ROBO2: variants seen among roughly 807,000 people sequenced by gnomAD.
ROBO2 encodes roundabout guidance receptor 2.
ROBO2 carries 53 observed loss-of-function variants against 160.8 expected under a neutral mutation model. The ratio of observed to expected loss-of-function variants is 0.33; its 90% CI spans 0.26 to 0.41. The LOEUF (loss-of-function observed/expected upper bound fraction) is 0.41, where lower values mean the gene tolerates loss of function less well. ROBO2 is among the 10% of genes least tolerant of loss of function. The pLI is 1.00. For synonymous variants in ROBO2, 664 were observed against 611.7 expected (o/e 1.09, Z -1.26); for missense variants, 1,577 against 1,722.4 (o/e 0.92, Z 1.49).
intron 2 of ROBO2, among the ~76,000 whole-genome samples, chr3:76,568,724 G>A (rs751409287): frequency 1.1e-4 from 17 of 152,032 alleles, no homozygotes; most frequent in Admixed American, 2.0e-4. Flanking sequence ...AAGAATCTGT[G>A]AGATATATTG....
At chr3:77,354,243 T>C (rs1006225494) in intron 2 of ROBO2, among the ~76,000 whole-genome samples, 3 of 151,662 alleles carry the variant, frequency 2.0e-5, no homozygotes, top group Non-Finnish European at 4.4e-5. Flanking sequence ...ACAATTACAA[T>C]TTTTTTTTCT....
At chr3:77,335,547 C>T (rs1235653649) in intron 2 of ROBO2, among the ~76,000 whole-genome samples, 1 of 152,176 alleles carries the variant, frequency 6.6e-6, no homozygotes, top group Non-Finnish European at 1.5e-5. Context: ...ATATTTTCCA[C>T]TTCTATTCAC....
intron 2 of ROBO2, among the ~76,000 whole-genome samples, chr3:76,904,827 T>C (rs193116494): frequency 6.6e-6 from 1 of 152,210 alleles, no homozygotes; most frequent in East Asian, 1.9e-4. Flanking sequence ...TTTGCCTCTA[T>C]GATACCACCA....
At chr3:76,912,697 T>C (rs1254781006) in intron 2 of ROBO2, among the ~76,000 whole-genome samples, 2 of 152,168 alleles carry the variant, frequency 1.3e-5, no homozygotes, top group Admixed American at 1.3e-4. Context: ...ATTTCATAAT[T>C]GTTTCATAAG....
intron 2 of ROBO2, among the ~76,000 whole-genome samples, chr3:76,236,679 A>G (rs987746989): frequency 7.2e-5 from 11 of 152,158 alleles, no homozygotes; most frequent in African/African-American, 2.7e-4. Flanking sequence ...GGACATTGGA[A>G]TAATTTATTT....
intron 2 of ROBO2, among the ~76,000 whole-genome samples, chr3:75,957,225 AACACACACGCACACACACACAAAAC>A (rs1337468895): frequency 2.5e-5 from 3 of 122,194 alleles, no homozygotes; most frequent in Non-Finnish European, 5.2e-5. Flanking sequence ...ACACACACAA[AACACACACGCACACACACACAAAAC>A]ACACACACAC....
chr3:77,291,673 G>T lies in ROBO2; in HGVS notation c.389-185741G>T, dbSNP rs529444185. Among the ~76,000 whole-genome samples the T allele has an allele frequency of 1.6e-4, 24 of 150,746 alleles. No individual in the cohort carries two copies. In the East Asian group the frequency reaches 4.5e-3, roughly 28 times the overall value. On this transcript the variant is annotated intron_variant, in intron 2 of 25. Coordinates refer to ENST00000461745, the Ensembl canonical transcript of ROBO2. ...ACCCCAGACATAAAGTAAAATTGAT[G>T]GTTAAATGGGTAAGCTGAGGCTAGA...
At chr3:77,644,779 C>A (rs11915149) in exon 25 of ROBO2, 1 of 1,614,032 alleles carries the variant, frequency 6.2e-7, no homozygotes, top group South Asian at 1.1e-5. Context: ...ACAGCTTCTT[C>A]TAAGGGATCC....
chr3:77,367,405 C>A (rs2071063647), intron 2 of ROBO2, among the ~76,000 whole-genome samples: 1 of 151,954 alleles, frequency 6.6e-6, no homozygotes, highest in Non-Finnish European at 1.5e-5. Context: ...AACCCCCGAC[C>A]CAGTAGTTAA....
chr3:76,696,298 G>A (rs369541646), intron 2 of ROBO2, among the ~76,000 whole-genome samples: 1 of 151,832 alleles, frequency 6.6e-6, no homozygotes, highest in East Asian at 1.9e-4. Context: ...CAACAAAGAC[G>A]TAATATTGCT....
chr3:76,760,935 T>C (rs1373966772), intron 2 of ROBO2, among the ~76,000 whole-genome samples: 2 of 151,660 alleles, frequency 1.3e-5, no homozygotes, highest in Non-Finnish European at 3.0e-5. Flanking sequence ...TTTTATACTT[T>C]GTGGAATGTT....
chr3:77,639,742 G>T (rs183451438), intron 24 of ROBO2, among the ~76,000 whole-genome samples: 150 of 152,228 alleles, frequency 9.9e-4, no homozygotes, highest in African/African-American at 3.4e-3. Context: ...TAAACCACTG[G>T]ACGGGGTGTG....
At chr3:77,198,574 T>G (rs956019146) in intron 2 of ROBO2, among the ~76,000 whole-genome samples, 1 of 152,168 alleles carries the variant, frequency 6.6e-6, no homozygotes, top group South Asian at 2.1e-4. Flanking sequence ...ACATGGCTTT[T>G]TCAGCCGGGC....
chr3:77,277,043 T>A (rs2059876934), intron 2 of ROBO2, among the ~76,000 whole-genome samples: 1 of 151,814 alleles, frequency 6.6e-6, no homozygotes, highest in Admixed American at 6.6e-5. Flanking sequence ...GCGGACACAG[T>A]CAAACCATAT....
intron 2 of ROBO2, among the ~76,000 whole-genome samples, chr3:76,169,078 G>A (rs145006458): frequency 1.1e-4 from 16 of 152,054 alleles, no homozygotes; most frequent in African/African-American, 3.6e-4. Context: ...GCATGTGATC[G>A]ACTATATGAT....
intron 2 of ROBO2, among the ~76,000 whole-genome samples, chr3:77,005,009 G>A (rs1201793433): frequency 1.3e-5 from 2 of 151,686 alleles, no homozygotes; most frequent in African/African-American, 4.8e-5. Flanking sequence ...AGACAGAAAC[G>A]AAAAACCATG....
At chr3:76,642,610 C>G (rs894366239) in intron 2 of ROBO2, among the ~76,000 whole-genome samples, 29 of 151,998 alleles carry the variant, frequency 1.9e-4, no homozygotes, top group African/African-American at 6.8e-4. Context: ...CCTCGGCCTC[C>G]CAAAGTGCTG....
At chr3:76,958,772 C>A (rs560133157) in intron 2 of ROBO2, among the ~76,000 whole-genome samples, 5 of 150,050 alleles carry the variant, frequency 3.3e-5, no homozygotes, top group Admixed American at 2.0e-4. Flanking sequence ...AAAGCCAATG[C>A]GAGAGGCAAA....
intron 2 of ROBO2, among the ~76,000 whole-genome samples, chr3:77,101,762 AG>A (rs1159502959): frequency 6.6e-6 from 1 of 152,174 alleles, no homozygotes; most frequent in Non-Finnish European, 1.5e-5. Flanking sequence ...AATTGGGGCC[AG>A]GTGTGTTGGT....
Sources: allele counts gnomAD v4.1 joint callset (sites outside exome capture counted in the v4.1 genomes callset), GRCh38; gene constraint gnomAD v4.1.1; transcripts MANE v1.5; gene names NCBI Gene and HGNC (gene_info 2026-07-23, HGNC 2026-07-21).